The following CCSER1 variants were observed in gnomAD, a reference collection of about 807,000 sequenced individuals.
CCSER1 encodes the protein serine-rich coiled-coil domain-containing protein 1.
CCSER1 carries 41 observed loss-of-function variants against 82.0 expected under a neutral mutation model. That is an observed-to-expected ratio of 0.50 (90% CI 0.39 to 0.65). The LOEUF (loss-of-function observed/expected upper bound fraction) is 0.65, where lower values mean the gene tolerates loss of function less well. Ranked by LOEUF, CCSER1 falls within the 30% of genes least tolerant of loss-of-function variation. The pLI is 0.00. For synonymous variants in CCSER1, 414 were observed against 383.9 expected (o/e 1.08, Z -0.92); for missense variants, 1,119 against 1,064.2 (o/e 1.05, Z -0.72).
intron 7 of CCSER1, among the ~76,000 whole-genome samples, chr4:90,773,624 A>G (rs2149576668): frequency 6.6e-6 from 1 of 152,310 alleles, no homozygotes; most frequent in South Asian, 2.1e-4. Context: ...AATTACATCT[A>G]TATTGAATGG....
At chr4:91,346,144 C>A (rs1320055456) in intron 10 of CCSER1, among the ~76,000 whole-genome samples, 1 of 151,546 alleles carries the variant, frequency 6.6e-6, no homozygotes, top group Non-Finnish European at 1.5e-5. Flanking sequence ...CTGCCTCAGC[C>A]TCCTTGGGAC....
chr4:91,204,150 G>A (rs556042572), intron 10 of CCSER1, among the ~76,000 whole-genome samples: 2 of 151,908 alleles, frequency 1.3e-5, no homozygotes, highest in East Asian at 3.9e-4. Context: ...GTCATTTATT[G>A]TTTTTATAAA....
chr4:90,146,330 A>G (rs1263701510), intron 1 of CCSER1, among the ~76,000 whole-genome samples: 1 of 152,126 alleles, frequency 6.6e-6, no homozygotes, highest in Non-Finnish European at 1.5e-5. Flanking sequence ...GGAGCATAAA[A>G]TAATACTTTA....
chr4:91,355,687 A>G (rs1748778625), intron 10 of CCSER1, among the ~76,000 whole-genome samples: 1 of 152,208 alleles, frequency 6.6e-6, no homozygotes, highest in Non-Finnish European at 1.5e-5. Flanking sequence ...TGCATCGGCC[A>G]TGCGTGGACC....
chr4:90,499,074 T>C (rs1413081308), intron 5 of CCSER1, among the ~76,000 whole-genome samples: 1 of 151,916 alleles, frequency 6.6e-6, no homozygotes, highest in African/African-American at 2.4e-5. Context: ...TTTCTAAAAA[T>C]AGTTATGAAA....
intron 10 of CCSER1, among the ~76,000 whole-genome samples, chr4:91,356,682 GCTGA>G (rs1487073073): frequency 6.6e-5 from 10 of 152,258 alleles, no homozygotes; most frequent in Middle Eastern, 3.4e-3. Flanking sequence ...ATGAACAAGG[GCTGA>G]CTGATTGATA....
chr4:90,475,078 T>C (rs1290464854), intron 5 of CCSER1, among the ~76,000 whole-genome samples: 1 of 152,128 alleles, frequency 6.6e-6, no homozygotes, highest in Non-Finnish European at 1.5e-5. Context: ...AAATGCACTT[T>C]GCATAAAATT....
intron 7 of CCSER1, among the ~76,000 whole-genome samples, chr4:90,731,111 A>G (rs1744642539): frequency 6.6e-6 from 1 of 152,180 alleles, no homozygotes; most frequent in African/African-American, 2.4e-5. Flanking sequence ...TGAGGGGATA[A>G]CAATTGATTG....
At chr4:91,086,614 T>A (rs1207860239) in intron 10 of CCSER1, among the ~76,000 whole-genome samples, 1 of 151,986 alleles carries the variant, frequency 6.6e-6, no homozygotes, top group Non-Finnish European at 1.5e-5. Context: ...ATCAAAACAT[T>A]CTAACTGCAC....
At chr4:90,867,414 G>A (rs758760404) in intron 8 of CCSER1, among the ~76,000 whole-genome samples, 3 of 151,944 alleles carry the variant, frequency 2.0e-5, no homozygotes, top group Non-Finnish European at 2.9e-5. Flanking sequence ...TTCTGGATAC[G>A]TAGTTGCTAT....
chr4:90,538,989 T>C (rs1238935413), intron 5 of CCSER1, among the ~76,000 whole-genome samples: 2 of 152,076 alleles, frequency 1.3e-5, no homozygotes, highest in East Asian at 3.8e-4. Context: ...AATAATTTCT[T>C]TGTATGGATG....
At chr4:90,575,388 A>T (rs1780625409) in intron 5 of CCSER1, among the ~76,000 whole-genome samples, 1 of 152,190 alleles carries the variant, frequency 6.6e-6, no homozygotes, top group South Asian at 2.1e-4. Flanking sequence ...CTTCATGAGG[A>T]TGCTTCTCTT....
At chr4:91,228,885 C>T (rs1283047574) in intron 10 of CCSER1, among the ~76,000 whole-genome samples, 1 of 152,126 alleles carries the variant, frequency 6.6e-6, no homozygotes, top group Non-Finnish European at 1.5e-5. Flanking sequence ...CCCCAGGATA[C>T]TGATCACAGA....
rs1307343777 is a variant in CCSER1 at position 90,999,868 on chromosome 4, G to T, written c.2172+76421G>T. Among the ~76,000 whole-genome samples, 13 of 117,686 alleles carry T rather than the reference G, an allele frequency of 1.1e-4. 1 individual carries two copies. The East Asian group carries it at 3.3e-3, about 30-fold the overall frequency. 77.2% of individuals were successfully genotyped at this position (117,686 alleles called of 152,430 possible). A position where few individuals can be genotyped will look rare whatever the true frequency, so the allele number is the denominator to read the frequency against. ...TTTCTCAAGGCCCATGTCCAGAATG[G>T]TGTTTCTGAGGTTTTTTTTTTTTTT... On this transcript the variant is annotated intron_variant, in intron 9 of 10. Transcript: ENST00000509176.
Position 90,778,974 on chromosome 4 carries a change from C to G in CCSER1, c.2011-36788C>G, listed in dbSNP as rs149357063. ...CATCCTAGTTAAATATACTTTATCT[C>G]CTTCTTCTAATCCTAGTTGGTATTC... On this transcript the variant is annotated intron_variant, in intron 7 of 10. Transcript: ENST00000509176. Among the ~76,000 whole-genome samples, 275 of 152,240 alleles carry G rather than the reference C, an allele frequency of 1.8e-3. 2 individuals are homozygous for G. The highest frequency in any genetic ancestry group is 6.3e-3 in the African/African-American group (260 of 41,548).
chr4:91,430,220 A>G (rs1337460248), intron 10 of CCSER1, among the ~76,000 whole-genome samples: 2 of 152,134 alleles, frequency 1.3e-5, no homozygotes, highest in Non-Finnish European at 2.9e-5. Context: ...GAAAAAAGCT[A>G]TTACAATGGT....
chr4:90,399,985 T>A (rs921448060), intron 3 of CCSER1, 51 bp from the exon 4 acceptor site: 8 of 1,003,892 alleles, frequency 8.0e-6, no homozygotes, highest in Non-Finnish European at 1.1e-5. Flanking sequence ...GAGTATTTCC[T>A]CATTTACTCA....
chr4:91,251,104 A>G (rs1166045349), intron 10 of CCSER1, among the ~76,000 whole-genome samples: 2 of 152,080 alleles, frequency 1.3e-5, no homozygotes, highest in South Asian at 2.1e-4. Context: ...GAATCTGTCA[A>G]AGGTCACTGT....
At chr4:90,935,192 T>C (rs983174048) in intron 9 of CCSER1, among the ~76,000 whole-genome samples, 1 of 151,976 alleles carries the variant, frequency 6.6e-6, no homozygotes, top group African/African-American at 2.4e-5. Flanking sequence ...TGATTCCCAA[T>C]TGGAGATGGG....
Sources: gnomAD v4.1 joint callset for allele counts (sites outside exome capture counted in the v4.1 genomes callset) on GRCh38, gnomAD v4.1.1 for gene constraint, MANE v1.5 for transcripts, NCBI Gene and HGNC (gene_info 2026-07-23, HGNC 2026-07-21) for gene names.